Variants in NBEAL1 observed in about 807,000 individuals in gnomAD.
NBEAL1 encodes neurobeachin like 1, also known as neurobeachin-like protein 1.
Under a neutral mutation model 351.3 loss-of-function variants are expected in NBEAL1, and 273 were observed. That is an observed-to-expected ratio of 0.78 (90% CI 0.70 to 0.86). The LOEUF (loss-of-function observed/expected upper bound fraction) is 0.86. Ranked by LOEUF, NBEAL1 falls within the 40% of genes least tolerant of loss-of-function variation. NBEAL1 has a pLI of 0.00. For synonymous variants in NBEAL1, 1,050 were observed against 1,086.4 expected (o/e 0.97, Z 0.66); for missense variants, 2,961 against 3,201.3 (o/e 0.92, Z 1.81).
chr2:203,077,663 C>A, intron 7 of NBEAL1, 89 bp from the exon 8 acceptor site: 1 of 740,514 alleles, frequency 1.4e-6, no homozygotes, highest in South Asian at 3.6e-5. Flanking sequence ...ACAAATAGTT[C>A]TTCGTGTTTG....
chr2:203,172,914 T>G, intron 41 of NBEAL1, 61 bp downstream of exon 41: 1 of 1,479,046 alleles, frequency 6.8e-7, no homozygotes, highest in Non-Finnish European at 9.0e-7. Flanking sequence ...GTATTGATTT[T>G]TTACTATGGC....
At chr2:203,176,347 C>A (rs1468296424) in intron 42 of NBEAL1, among the ~76,000 whole-genome samples, 6 of 151,790 alleles carry the variant, frequency 4.0e-5, no homozygotes, top group Admixed American at 3.9e-4. Context: ...CCAGGCTGGT[C>A]TTGAACTCCT....
At chr2:203,175,968 T>A (rs1243355072) in intron 42 of NBEAL1, among the ~76,000 whole-genome samples, 1 of 152,162 alleles carries the variant, frequency 6.6e-6, no homozygotes, top group Non-Finnish European at 1.5e-5. Context: ...GTTCCTTATT[T>A]CTGTTTATGT....
intron 4 of NBEAL1, among the ~76,000 whole-genome samples, chr2:203,051,444 TGAGAGGCAG>T (rs1219408071): frequency 6.6e-6 from 1 of 151,448 alleles, no homozygotes; most frequent in East Asian, 1.9e-4. Context: ...CTCAGGAGGC[TGAGAGGCAG>T]GAAAATTGCT....
At chr2:203,024,855 C>T (rs898265085) in intron 2 of NBEAL1, among the ~76,000 whole-genome samples, 1 of 152,052 alleles carries the variant, frequency 6.6e-6, no homozygotes, top group Non-Finnish European at 1.5e-5. Flanking sequence ...GAGCGAGACT[C>T]TGTCTGAAAT....
rs546214884 is a variant in NBEAL1, at chr2:203,080,398, C to T, written c.684+2561C>T. On this transcript the variant is annotated intron_variant, in intron 8 of 55. Coordinates refer to ENST00000683969, the MANE Select transcript of NBEAL1 (RefSeq NM_001378026.1). ...CTGCACTCCAGCCTGGGCAACAGAG[C>T]GAGACTTCATCTCAAAAAAAAAGTT... 5.9e-5 allele frequency among the ~76,000 whole-genome samples: 9 copies of T among 152,168 alleles called. No individual in the cohort carries two copies. The South Asian group carries it at 1.9e-3, about 32-fold the overall frequency.
chr2:203,141,992 T>G (rs1285446447), intron 31 of NBEAL1, among the ~76,000 whole-genome samples: 1 of 152,224 alleles, frequency 6.6e-6, no homozygotes, highest in East Asian at 1.9e-4. Context: ...TTGTATATAG[T>G]GTCTCCGGTT....
At chr2:203,204,245 A>T (rs77916458) in intron 51 of NBEAL1, among the ~76,000 whole-genome samples, 3,605 of 141,482 alleles carry the variant, frequency 0.025, 101 homozygotes, top group African/African-American at 0.072. Context: ...TCTTTTTTTT[A>T]AAAAAAAAAA....
At chr2:203,038,463 A>G (rs2061074634) in intron 2 of NBEAL1, among the ~76,000 whole-genome samples, 1 of 149,118 alleles carries the variant, frequency 6.7e-6, no homozygotes, top group African/African-American at 2.4e-5. Context: ...AATGATATTG[A>G]TCACAGATTA....
Position 203,136,196 on chromosome 2 carries a change from A to G in NBEAL1, c.4333A>G (p.Ser1445Gly). 2 of 1,611,514 alleles carry G rather than the reference A, an allele frequency of 1.2e-6. No individual in the cohort carries two copies. Among genetic ancestry groups the G allele is most frequent in the Non-Finnish European group, 1.7e-6 (2 of 1,179,316 alleles). ...TTCTGTGCACTCTGACAGAGAAAGC[A>G]GCATCACAAATGATATGGGCTTTAG... Reference protein sequence around the residue: ...SFSVHSDRESSITNDMGFSDD... With the variant: ...SFSVHSDRESGITNDMGFSDD... Residue 1445 changes from serine to glycine, a missense_variant, in exon 28 of 56, where the codon AGC becomes GGC. Ser to Gly is a moderately conservative substitution (Grantham distance 56). Coordinates refer to ENST00000683969, the MANE Select transcript of NBEAL1 (RefSeq NM_001378026.1).
chr2:203,059,725 A>G (rs1183702902), intron 6 of NBEAL1, among the ~76,000 whole-genome samples: 1 of 152,204 alleles, frequency 6.6e-6, no homozygotes, highest in African/African-American at 2.4e-5. Flanking sequence ...GTCTTTAAAG[A>G]TACAAAGAGG....
At position 203,040,174 on chromosome 2, in the gene NBEAL1, T is replaced by C. The variant is rs995626748; in HGVS notation, c.52-1591T>C. On this transcript the variant is annotated intron_variant, in intron 2 of 55. Coordinates refer to ENST00000683969, the MANE Select transcript of NBEAL1 (RefSeq NM_001378026.1). The stretch of plus-strand genomic sequence containing the variant: ...AAATCTCCTGAAAAAGAGGAAGGCT[T>C]ATCAAGCCCTCAAAGCCACTCAGGC... 345 of 1,520,006 alleles carry C rather than the reference T, an allele frequency of 2.3e-4. 1 individual carries two copies. Among genetic ancestry groups the C allele is most frequent in the Non-Finnish European group, 3.0e-4 (330 of 1,110,432 alleles). 94.2% of individuals were successfully genotyped at this position (1,520,006 alleles called of 1,614,324 possible).
chr2:203,030,334 A>G (rs892224454), intron 2 of NBEAL1, among the ~76,000 whole-genome samples: 1 of 152,140 alleles, frequency 6.6e-6, no homozygotes, highest in African/African-American at 2.4e-5. Context: ...TGCCTGGTGA[A>G]CTTGAGGTTT....
At chr2:203,166,392 C>T in intron 37 of NBEAL1, 95 bp downstream of exon 37, 1 of 1,175,740 alleles carries the variant, frequency 8.5e-7, no homozygotes, top group Non-Finnish European at 1.2e-6. Context: ...TAAGATATAA[C>T]TATCATGTGA....
Position 203,083,424 on chromosome 2 carries a change from A to T in NBEAL1, c.890A>T (p.Asn297Ile). ...RQVETSTILE[N>I]YFKLLNSDHS... is the part of the protein sequence containing the mutation. ...GTGGAAACCAGTACTATTCTGGAGAACTATTTTAAATTGCTAAATTCAGAT... is the reference window on the plus strand; with the variant it reads ...GTGGAAACCAGTACTATTCTGGAGATCTATTTTAAATTGCTAAATTCAGAT... Residue 297 changes from asparagine (N) to isoleucine (I), a missense_variant, in exon 9 of 56, where the codon AAC (asparagine) becomes ATC (isoleucine). Coordinates refer to ENST00000683969, the MANE Select transcript of NBEAL1 (RefSeq NM_001378026.1). 3 of 1,554,266 alleles carry T rather than the reference A, an allele frequency of 1.9e-6. No homozygotes were observed. Among genetic ancestry groups the T allele is most frequent in the Non-Finnish European group, 2.6e-6 (3 of 1,147,608 alleles).
chr2:203,161,679 A>G (rs1378167758), intron 36 of NBEAL1, among the ~76,000 whole-genome samples: 2 of 128,016 alleles, frequency 1.6e-5, no homozygotes, highest in Non-Finnish European at 3.4e-5. Flanking sequence ...AAATAAATAA[A>G]TAAAAGCCAG....
At position 203,224,609 on chromosome 2, in the gene NBEAL1, A is replaced by G. The variant is rs1006668492; in HGVS notation, c.*7255A>G. 2.0e-5 allele frequency among the ~76,000 whole-genome samples: 3 copies of G among 152,298 alleles called. No homozygotes were observed. The highest frequency in any genetic ancestry group is 2.1e-4 in the South Asian group (1 of 4,830). On this transcript the variant is annotated 3_prime_UTR_variant, in exon 56 of 56. Transcript: ENST00000683969. ...AGAGCGTAATAACTAAAAATTCAGA[A>G]TGACTTGTTTTTTGAAAGTACTTGG...
chr2:203,209,260 G>A lies in NBEAL1; in HGVS notation c.7723G>A (p.Ala2575Thr). Residue 2575 changes from alanine (A) to threonine (T), a missense_variant, in exon 53 of 56, where the codon GCT becomes ACT. Ala to Thr is a moderately conservative substitution (Grantham distance 58). Transcript: ENST00000683969. ...SSLFLTIPNL[A>T]ISWEGHIVVY... ...TCTGTTCCTGACCATTCCTAATTTG[G>A]CTATATCTTGGGAAGGACATATTGT... 6.2e-7 allele frequency: 1 copy of A among 1,613,828 alleles called. No homozygotes were observed. Among genetic ancestry groups the A allele is most frequent in the Non-Finnish European group, 8.5e-7 (1 of 1,179,814 alleles).
intron 35 of NBEAL1, among the ~76,000 whole-genome samples, chr2:203,151,911 G>C (rs927568766): frequency 2.0e-5 from 3 of 151,926 alleles, no homozygotes; most frequent in Admixed American, 2.0e-4. Context: ...TCAAGACTGA[G>C]GCTAATACTA....
Sources: gnomAD v4.1 joint callset for allele counts (sites outside exome capture counted in the v4.1 genomes callset) on GRCh38, gnomAD v4.1.1 for gene constraint, MANE v1.5 for transcripts, NCBI Gene and HGNC (gene_info 2026-07-23, HGNC 2026-07-21) for gene names.